MYO9B: variants seen among roughly 807,000 people sequenced by gnomAD.
The protein encoded by MYO9B is myosin IXB, also known as unconventional myosin-IXb.
A neutral mutation model predicts 229.5 loss-of-function variants in MYO9B; 71 were observed. The ratio of observed to expected loss-of-function variants is 0.31; its 90% confidence interval spans 0.26 to 0.38. MYO9B has a LOEUF of 0.38. Among genes scored for constraint, MYO9B ranks in the 10% least tolerant of loss-of-function variants. The pLI, the probability that MYO9B is intolerant of heterozygous loss-of-function variation, is 1.00. For synonymous variants in MYO9B, 1,185 were observed against 1,235.8 expected (o/e 0.96, Z 0.86); for missense variants, 2,255 against 2,920.5 (o/e 0.77, Z 5.25).
At chr19:17,131,418 G>A (rs367723153) in intron 2 of MYO9B, among the ~76,000 whole-genome samples, 6 of 152,166 alleles carry the variant, frequency 3.9e-5, no homozygotes, top group South Asian at 2.1e-4. Context: ...ACAGGCGCAC[G>A]CCACCATGCC....
At chr19:17,081,683 C>T (rs2057534882) in intron 1 of MYO9B, among the ~76,000 whole-genome samples, 1 of 151,978 alleles carries the variant, frequency 6.6e-6, no homozygotes, top group South Asian at 2.1e-4. Context: ...GTGGCACACA[C>T]CTGTAATCCC....
At position 17,121,000 on chromosome 19, in the gene MYO9B, T is replaced by A. The variant is rs1331315966; in HGVS notation, c.840+18443T>A. ...CTCTATCGCCCAGGCTGGAGTGCAA[T>A]GGTGTGATCTCAACTCACTGCAACC... On this transcript the variant is annotated intron_variant, in intron 2 of 39. Coordinates refer to ENST00000682292, the MANE Select transcript of MYO9B (RefSeq NM_004145.4). Among the ~76,000 whole-genome samples the A allele has an allele frequency of 2.0e-5, 3 of 152,138 alleles. No homozygotes were observed. In the East Asian group the frequency reaches 5.8e-4, roughly 29 times the overall value.
chr19:17,146,976 C>T (rs993359066), intron 3 of MYO9B, among the ~76,000 whole-genome samples: 6 of 152,206 alleles, frequency 3.9e-5, no homozygotes, highest in Middle Eastern at 3.2e-3. Context: ...CTGAACCTTC[C>T]GCCTCTAGCT....
chr19:17,138,137 G>A (rs995458158), intron 2 of MYO9B, among the ~76,000 whole-genome samples: 4 of 152,146 alleles, frequency 2.6e-5, no homozygotes, highest in Non-Finnish European at 4.4e-5. Flanking sequence ...ATTTATGAGT[G>A]AGAACATGTG....
intron 35 of MYO9B, 104 bp downstream of exon 35, chr19:17,207,348 A>G (rs1599428582): frequency 1.4e-6 from 2 of 1,453,504 alleles, no homozygotes; most frequent in East Asian, 5.0e-5. Flanking sequence ...AGAAAAGTCC[A>G]GAGCCGAGTG....
chr19:17,174,423 G>A (rs111283193), intron 13 of MYO9B, among the ~76,000 whole-genome samples: 9,534 of 151,952 alleles, frequency 0.063, 385 homozygotes, highest in Non-Finnish European at 0.094. Context: ...GATCGCTTGA[G>A]GTCGGGTTCA....
chr19:17,184,524 T>A (rs2072895702), intron 16 of MYO9B: 1 of 223,356 alleles, frequency 4.5e-6, no homozygotes, highest in Non-Finnish European at 8.9e-6. Flanking sequence ...TTGACTCAAG[T>A]AATGTAAACT....
chr19:17,206,344 T>C lies in MYO9B; in HGVS notation c.5354T>C (p.Phe1785Ser). ...GAGCTGCCCGAGCCCCTCATGACCT[T>C]CGCACAGTACGGCGACTTCCTCCGA... is the stretch of plus-strand genomic sequence containing the variant. The part of the protein sequence containing the change: ...LRELPEPLMT[F>S]AQYGDFLRAV... The change falls in exon 33 of 40, where the codon TTC (phenylalanine) becomes TCC (serine). Residue 1785 changes from phenylalanine (F) to serine (S), a missense_variant. Physicochemically the swap from Phe to Ser is radical, Grantham distance 155 (BLOSUM62 -2). Around this residue, in one of 7 missense-constraint regions of MYO9B, gnomAD observed 416 missense variants for 605.5 expected, o/e 0.69. Coordinates refer to ENST00000682292, the MANE Select transcript of MYO9B (RefSeq NM_004145.4). 1 of 1,610,472 alleles carries C rather than the reference T, an allele frequency of 6.2e-7. No homozygotes were observed. Among genetic ancestry groups the C allele is most frequent in the South Asian group, 1.1e-5 (1 of 90,856 alleles).
intron 2 of MYO9B, among the ~76,000 whole-genome samples, chr19:17,117,241 G>A (rs192719184): frequency 9.8e-4 from 149 of 152,296 alleles, no homozygotes; most frequent in Non-Finnish European, 1.0e-3. Context: ...GGGCCTGGCT[G>A]CCAATTTGTT....
Position 17,195,427 on chromosome 19 carries a change from C to G in MYO9B, c.4000C>G (p.Leu1334Val), listed in dbSNP as rs745597268. 28 of 1,607,290 alleles carry G rather than the reference C, an allele frequency of 1.7e-5. No homozygotes were observed. The highest frequency in any genetic ancestry group is 2.4e-5 in the Non-Finnish European group (28 of 1,179,052). Reference sequence around the variant, plus strand: ...TGCCATGCTCAGCCAGTCCCTGGACCTCAGCGACAGACACCGGGCCACAGG... The same window carrying G: ...TGCCATGCTCAGCCAGTCCCTGGACGTCAGCGACAGACACCGGGCCACAGG... ...PSAMLSQSLD[L>V]SDRHRATGAA... The change falls in exon 22 of 40, where the codon CTC (leucine) becomes GTC (valine). Residue 1334 changes from leucine to valine, a missense_variant. Transcript: ENST00000682292. This position sits in a 1 kb window ranked among gnomAD's most constrained non-coding sequence, Gnocchi z 4.5.
rs1414356288 is a variant in MYO9B, at chr19:17,196,460, C to A, written c.4046+987C>A. On this transcript the variant is annotated intron_variant, in intron 22 of 39. Transcript: ENST00000682292. ...CCTGTAATCCCAGCATTTTGGGAGG[C>A]CAAGAGTTTGAGAGGAGTTCGAGAC... Among the ~76,000 whole-genome samples, 5 of 151,896 alleles carry A rather than the reference C, an allele frequency of 3.3e-5. No homozygotes were observed. The East Asian group carries it at 7.7e-4, about 24-fold the overall frequency.
In MYO9B at chr19:17,101,581, G is replaced by C; in HGVS notation, c.-58-79G>C. 7.4e-7 allele frequency: 1 copy of C among 1,349,062 alleles called. No homozygotes were observed. The highest frequency in any genetic ancestry group is 9.8e-7 in the Non-Finnish European group (1 of 1,021,988). The allele number at this position is 1,349,062 out of a possible 1,614,324, so 83.6% of individuals were successfully genotyped here. ...TCCAGCATCGGGTCAGGTGCTATCT[G>C]CCCAGGAGTGGGACTCCACATGCCC... On this transcript the variant is annotated intron_variant, in intron 1 of 39. Coordinates refer to ENST00000682292, the MANE Select transcript of MYO9B (RefSeq NM_004145.4). This position sits in a 1 kb window ranked among gnomAD's most constrained non-coding sequence, Gnocchi z 4.7.
At position 17,172,744 on chromosome 19, in the gene MYO9B, T is replaced by G; in HGVS notation, c.1936-15T>G. The G allele has an allele frequency of 6.2e-7, 1 of 1,612,946 alleles. No individual in the cohort carries two copies. The highest frequency in any genetic ancestry group is 8.5e-7 in the Non-Finnish European group (1 of 1,179,330). ...GACTATCCCCGAGTGACCGCCCACATCCATCCCCCACCAGGACTTCCGGGA... is the reference window on the plus strand; with the variant it reads ...GACTATCCCCGAGTGACCGCCCACAGCCATCCCCCACCAGGACTTCCGGGA... On this transcript the variant is annotated splice_polypyrimidine_tract_variant and intron_variant, in intron 12 of 39. Transcript: ENST00000682292. The surrounding 1 kb of genome is among the most constrained non-coding windows in gnomAD (Gnocchi z 8.2).
intron 1 of MYO9B, among the ~76,000 whole-genome samples, chr19:17,079,194 A>G (rs533023244): frequency 1.0e-3 from 156 of 152,192 alleles, no homozygotes; most frequent in African/African-American, 3.6e-3. Context: ...AGGGCCCATC[A>G]TTGCCTTGGT....
In MYO9B at chr19:17,212,281, C is replaced by G; in HGVS notation, c.6445C>G (p.Pro2149Ala). ...RYSDPPTYCLPPASGQTNG is the reference protein window; with the variant it reads ...RYSDPPTYCLAPASGQTNG Reference sequence around the variant, plus strand: ...CTCGGATCCCCCAACGTACTGCCTGCCCCCCGCCTCGGGCCAGACCAATGG... The same window carrying G: ...CTCGGATCCCCCAACGTACTGCCTGGCCCCCGCCTCGGGCCAGACCAATGG... Residue 2149 changes from proline (P) to alanine (A), a missense_variant, in exon 40 of 40, where the codon CCC becomes GCC. This residue lies in a region of MYO9B where 331 missense variants were observed against 332.5 expected (regional missense o/e 1.00). Transcript: ENST00000682292. The surrounding 1 kb of genome is among the most constrained non-coding windows in gnomAD (Gnocchi z 5.4). 6.5e-7 allele frequency: 1 copy of G among 1,539,722 alleles called. No homozygotes were observed. The highest frequency in any genetic ancestry group is 8.7e-7 in the Non-Finnish European group (1 of 1,150,850).
At chr19:17,205,165 A>G in intron 30 of MYO9B, 98 bp from the exon 31 acceptor site, 1 of 749,834 alleles carries the variant, frequency 1.3e-6, no homozygotes, top group Non-Finnish European at 2.0e-6. Flanking sequence ...AAAAAAAAAA[A>G]AGAAGGCAAT....
chr19:17,175,675 C>G lies in MYO9B; in HGVS notation c.2153C>G (p.Pro718Arg). ...RAEKAAGMSS[P>R]GAQSHPEELP... ...GTGTCTCCGGCAGGTATGAGCAGCCCTGGTGCCCAAAGTCACCCAGAAGAG... is the reference window on the plus strand; with the variant it reads ...GTGTCTCCGGCAGGTATGAGCAGCCGTGGTGCCCAAAGTCACCCAGAAGAG... Residue 718 changes from proline (P) to arginine (R), a missense_variant, in exon 14 of 40, where the codon CCT (proline) becomes CGT (arginine). Physicochemically the swap from Pro to Arg is moderately radical, Grantham distance 103. This residue lies in a region of MYO9B where 155 missense variants were observed against 159.1 expected (regional missense o/e 0.97). Transcript: ENST00000682292. 6.3e-7 allele frequency: 1 copy of G among 1,575,106 alleles called. No individual in the cohort carries two copies. Among genetic ancestry groups the G allele is most frequent in the Non-Finnish European group, 8.6e-7 (1 of 1,160,850 alleles).
chr19:17,207,077 GC>G, intron 34 of MYO9B, 35 bp from the exon 35 acceptor site: 1 of 1,605,864 alleles, frequency 6.2e-7, no homozygotes, highest in Non-Finnish European at 8.5e-7. Context: ...CCCTCCCTCG[GC>G]CCTAGCCATC....
Position 17,194,695 on chromosome 19 carries a change from C to A in MYO9B, c.3268C>A (p.Pro1090Thr), listed in dbSNP as rs1305768436. Residue 1090 changes from proline (P) to threonine (T), a missense_variant, in exon 22 of 40, where the codon CCA becomes ACA. This residue lies in a region of MYO9B where 679 missense variants were observed against 770.2 expected (regional missense o/e 0.88). Transcript: ENST00000682292. ...GCAGGTAGCTGAGCAGGGGCCGGAG[C>A]CAGCGGAGGATGGCGGGCACCTGGC... The part of the protein sequence containing the change: ...GQQVAEQGPE[P>T]AEDGGHLASE... 2 of 1,612,740 alleles carry A rather than the reference C, an allele frequency of 1.2e-6. No individual in the cohort carries two copies. Among genetic ancestry groups the A allele is most frequent in the African/African-American group, 1.3e-5 (1 of 74,924 alleles).
Sources: gnomAD v4.1 joint callset for allele counts (sites outside exome capture counted in the v4.1 genomes callset) on GRCh38, gnomAD v4.1.1 for gene constraint, gnomAD v4.1.1 regional missense constraint, Gnocchi (gnomAD v3.1) non-coding constraint, MANE v1.5 for transcripts, NCBI Gene and HGNC (gene_info 2026-07-23, HGNC 2026-07-21) for gene names.